Variants in CTNNA3 observed in about 807,000 individuals in gnomAD.
CTNNA3 encodes catenin alpha 3, also known as catenin alpha-3.
CTNNA3 carries 76 observed loss-of-function variants against 95.7 expected under a neutral mutation model. That is an observed-to-expected ratio of 0.79 (90% CI 0.66 to 0.96). The LOEUF (loss-of-function observed/expected upper bound fraction) is 0.96, where lower values mean the gene tolerates loss of function less well. CTNNA3 is among the 40% of genes least tolerant of loss of function. The pLI is 0.00. For missense variants in CTNNA3, 1,191 were observed against 1,089.8 expected (o/e 1.09, Z -1.31); for synonymous variants, 431 against 374.4 (o/e 1.15, Z -1.74).
At chr10:65,958,804 C>T (rs980086863) in intron 17 of CTNNA3, among the ~76,000 whole-genome samples, 4 of 152,196 alleles carry the variant, frequency 2.6e-5, no homozygotes, top group Admixed American at 2.6e-4. Context: ...TCAGCCCCTA[C>T]TGGGAGGTGT....
At chr10:66,846,847 G>A (rs1843301595) in intron 7 of CTNNA3, among the ~76,000 whole-genome samples, 1 of 152,092 alleles carries the variant, frequency 6.6e-6, no homozygotes, top group African/African-American at 2.4e-5. Context: ...GCCAGGGAGT[G>A]GCTTTGTTGT....
chr10:67,450,519 C>G (rs893219963), intron 5 of CTNNA3, among the ~76,000 whole-genome samples: 55 of 152,064 alleles, frequency 3.6e-4, no homozygotes, highest in Admixed American at 9.8e-4. Flanking sequence ...CCTTAGCAAA[C>G]TAATGCAGAA....
chr10:66,828,152 T>C (rs1175634457), intron 7 of CTNNA3, among the ~76,000 whole-genome samples: 1 of 152,152 alleles, frequency 6.6e-6, no homozygotes, highest in Non-Finnish European at 1.5e-5. Context: ...AATATCAAGA[T>C]GGAAATGATG....
chr10:66,376,289 G>T (rs543080959), intron 12 of CTNNA3, among the ~76,000 whole-genome samples: 13 of 152,102 alleles, frequency 8.5e-5, no homozygotes, highest in Admixed American at 3.3e-4. Flanking sequence ...TCTCTATTAA[G>T]AATTCCTGAC....
intron 5 of CTNNA3, among the ~76,000 whole-genome samples, chr10:67,326,168 G>A (rs1472798991): frequency 6.6e-6 from 1 of 152,004 alleles, no homozygotes; most frequent in Non-Finnish European, 1.5e-5. Context: ...ATGATTTTTG[G>A]TTCTTTATCT....
intron 7 of CTNNA3, among the ~76,000 whole-genome samples, chr10:66,989,742 T>C (rs1172733315): frequency 6.6e-6 from 1 of 152,150 alleles, no homozygotes; most frequent in Non-Finnish European, 1.5e-5. Context: ...GTGAATTTCC[T>C]CAGAAAATTC....
intron 7 of CTNNA3, among the ~76,000 whole-genome samples, chr10:66,989,707 A>C (rs1031376201): frequency 6.6e-6 from 1 of 152,146 alleles, no homozygotes; most frequent in Non-Finnish European, 1.5e-5. Flanking sequence ...ATTTTAAAAG[A>C]ATTTACCTCT....
At chr10:67,665,814 G>C (rs1343398112) in intron 1 of CTNNA3, among the ~76,000 whole-genome samples, 1 of 152,084 alleles carries the variant, frequency 6.6e-6, no homozygotes, top group East Asian at 1.9e-4. Context: ...CTATTTTTCA[G>C]ATTTACAATG....
At chr10:66,360,901 CTCTCTCTCTCTCTCTTTCTTCCTTTCTG>C (rs560271104) in intron 12 of CTNNA3, among the ~76,000 whole-genome samples, 1,885 of 117,558 alleles carry the variant, frequency 0.016, 43 homozygotes, top group African/African-American at 0.055. Flanking sequence ...TTATTTCTTT[CTCTCTCTCTCTCTCTTTCTTCCTTTCTG>C]TCTCTCTCTC....
At chr10:66,051,311 T>C (rs1288920547) in intron 15 of CTNNA3, among the ~76,000 whole-genome samples, 1 of 152,248 alleles carries the variant, frequency 6.6e-6, no homozygotes, top group Non-Finnish European at 1.5e-5. Flanking sequence ...TGAAATATTT[T>C]TTAAATGCAT....
At chr10:66,534,198 G>T (rs1239507405) in intron 10 of CTNNA3, among the ~76,000 whole-genome samples, 1 of 152,012 alleles carries the variant, frequency 6.6e-6, no homozygotes, top group African/African-American at 2.4e-5. Context: ...TATTTCTTCA[G>T]ATTTTAATTA....
rs148063311 is a variant in CTNNA3 at position 66,457,136 on chromosome 10, C to G, written c.1531+63481G>C. ...AAACAAAACAAAAAAACCTTTACAACTTGGTGTTAGTCTAAGAGTTCTTAG... is the reference window on the plus strand; with the variant it reads ...AAACAAAACAAAAAAACCTTTACAAGTTGGTGTTAGTCTAAGAGTTCTTAG... On this transcript the variant is annotated intron_variant, in intron 11 of 17. Coordinates refer to ENST00000433211, the MANE Select transcript of CTNNA3 (RefSeq NM_013266.4). 5.0e-3 allele frequency among the ~76,000 whole-genome samples: 767 copies of G among 152,172 alleles called. 6 individuals are homozygous for G. The highest frequency in any genetic ancestry group is 0.012 in the African/African-American group (516 of 41,528).
chr10:67,666,765 C>G (rs185054816), intron 1 of CTNNA3, among the ~76,000 whole-genome samples: 1,928 of 152,158 alleles, frequency 0.013, 46 homozygotes, highest in African/African-American at 0.044. Flanking sequence ...TTTTATTTTG[C>G]CCATATAAAT....
intron 11 of CTNNA3, among the ~76,000 whole-genome samples, chr10:66,425,289 T>G (rs574122994): frequency 7.9e-5 from 12 of 151,932 alleles, no homozygotes; most frequent in Non-Finnish European, 1.5e-4. Context: ...ATTTAATATT[T>G]TATTAGAAAA....
At chr10:65,950,125 G>C (rs1391447037) in intron 17 of CTNNA3, among the ~76,000 whole-genome samples, 1 of 151,870 alleles carries the variant, frequency 6.6e-6, no homozygotes, top group Non-Finnish European at 1.5e-5. Context: ...AATCAAAAGG[G>C]AAAATATGGA....
chr10:66,354,394 T>A (rs1288822592), intron 12 of CTNNA3, among the ~76,000 whole-genome samples: 1 of 151,904 alleles, frequency 6.6e-6, no homozygotes, highest in Non-Finnish European at 1.5e-5. Context: ...CATCAAGGTA[T>A]CAAGCTCTGC....
intron 11 of CTNNA3, among the ~76,000 whole-genome samples, chr10:66,429,622 C>T (rs1419069428): frequency 6.6e-6 from 1 of 152,132 alleles, no homozygotes; most frequent in African/African-American, 2.4e-5. Flanking sequence ...AAATGTAATC[C>T]AGCACATAAA....
intron 14 of CTNNA3, among the ~76,000 whole-genome samples, chr10:66,080,292 C>T (rs1224657722): frequency 1.3e-5 from 2 of 152,044 alleles, no homozygotes; most frequent in East Asian, 3.9e-4. Flanking sequence ...AGTAACCCAA[C>T]ATTGTAAAAT....
chr10:67,208,377 T>TAAAAAAAAAAAAA (rs1863997659), intron 6 of CTNNA3, among the ~76,000 whole-genome samples: 1 of 79,382 alleles, frequency 1.3e-5, no homozygotes. Flanking sequence ...AGACTCTGTC[T>TAAAAAAAAAAAAA]CAAAAAAAAA....
Sources: allele counts gnomAD v4.1 joint callset (sites outside exome capture counted in the v4.1 genomes callset), GRCh38; gene constraint gnomAD v4.1.1; transcripts MANE v1.5; gene names NCBI Gene and HGNC (gene_info 2026-07-23, HGNC 2026-07-21).